The following SAMD3 variants were observed in gnomAD, a reference collection of about 807,000 sequenced individuals.
The protein encoded by SAMD3 is sterile alpha motif domain-containing protein 3.
A neutral mutation model predicts 58.5 loss-of-function variants in SAMD3; 63 were observed. That is an observed-to-expected ratio of 1.08 (90% CI 0.88 to 1.33). The LOEUF (loss-of-function observed/expected upper bound fraction) is 1.33, where lower values mean the gene tolerates loss of function less well. SAMD3 is among the 40% of genes most tolerant of loss of function. The pLI is 0.00. For synonymous variants in SAMD3, 220 were observed against 210.3 expected, an observed-to-expected ratio of 1.05 and a Z score of -0.40; for missense variants, 604 against 608.4, an observed-to-expected ratio of 0.99 and a Z score of 0.08.
At chr6:130,224,055 G>A (rs962843503), upstream of SAMD3, among the ~76,000 whole-genome samples, 1 of 152,130 alleles carries the variant, frequency 6.6e-6, no homozygotes, top group Non-Finnish European at 1.5e-5. Flanking sequence ...GGATCCACAA[G>A]GGGAATGGAA....
At chr6:130,340,962 G>C in intron 1 of SAMD3, among the ~76,000 whole-genome samples, 1 of 152,172 alleles carries the variant, frequency 6.6e-6, no homozygotes, top group Non-Finnish European at 1.5e-5. Context: ...TGTCATCCTT[G>C]AGTGAAATTT....
intron 1 of SAMD3, among the ~76,000 whole-genome samples, chr6:130,348,543 A>C (rs1267256042): frequency 1.7e-4 from 26 of 152,194 alleles, no homozygotes; most frequent in Admixed American, 1.6e-3. Context: ...CTAAATATAT[A>C]TGCACCCAAT....
rs1778100040 is a variant in SAMD3, at chr6:130,365,118, A to G, written c.-304+2T>C. 2 of 934,082 alleles carry G rather than the reference A, an allele frequency of 2.1e-6. No individual in the cohort carries two copies. The highest frequency in any genetic ancestry group is 1.8e-5 in the African/African-American group (1 of 56,214). The allele number at this position is 934,082 out of a possible 1,614,324, so 57.9% of individuals were successfully genotyped here. The stretch of plus-strand genomic sequence containing the variant: ...ATTAGTTTTACATGAAACTTTACTT[A>G]CGGAATTGGCCTGCATATATACAGT... On this transcript the variant is annotated splice_donor_variant, in intron 1 of 13. Coordinates refer to the SAMD3 transcript ENST00000368134. LOFTEE classifies it low-confidence loss of function (5UTR_SPLICE).
intron 1 of SAMD3, among the ~76,000 whole-genome samples, chr6:130,353,076 T>C (rs185113801): frequency 6.6e-6 from 1 of 152,356 alleles, no homozygotes; most frequent in East Asian, 1.9e-4. Flanking sequence ...TTTGAAATGC[T>C]ATACTCACTA....
chr6:130,315,018 A>C (rs118188043), intron 1 of SAMD3, among the ~76,000 whole-genome samples: 3,832 of 152,288 alleles, frequency 0.025, 68 homozygotes, highest in Non-Finnish European at 0.04. Flanking sequence ...TACATGGACA[A>C]ACTACAAGTT....
In SAMD3 at chr6:130,222,875, GT is replaced by G. The variant is rs1232885286; in HGVS notation, c.-250del. 1 of 152,142 alleles carries G rather than the reference GT, an allele frequency of 6.6e-6. No individual in the cohort carries two copies. Among genetic ancestry groups the G allele is most frequent in the Non-Finnish European group, 1.5e-5 (1 of 68,014 alleles). 9.4% of individuals were successfully genotyped at this position (152,142 alleles called of 1,614,324 possible). ...CTTGGTTTCTCTTGAAAAATCAAAA[GT>G]TCTGGTGATACTGGGTTCATATTTC... On this transcript the variant is annotated 5_prime_UTR_variant, in exon 1 of 12. The change creates a premature stop within an existing upstream ORF in the 5' untranslated region. Coordinates refer to ENST00000439090, the MANE Select transcript of SAMD3 (RefSeq NM_001017373.4).
chr6:130,362,221 C>T (rs1001196018), intron 1 of SAMD3, among the ~76,000 whole-genome samples: 3 of 152,210 alleles, frequency 2.0e-5, no homozygotes, highest in African/African-American at 7.2e-5. Context: ...AGACAGATCA[C>T]TTGAGTATGT....
intron 8 of SAMD3, chr6:130,159,994 AG>A (rs1554253594): frequency 2.0e-5 from 3 of 152,208 alleles, no homozygotes; most frequent in Non-Finnish European, 4.4e-5. Context: ...GGGTGGGGTG[AG>A]TGGAAAAGAA....
chr6:130,352,331 T>C (rs1777701022), intron 1 of SAMD3, among the ~76,000 whole-genome samples: 1 of 152,158 alleles, frequency 6.6e-6, no homozygotes, highest in African/African-American at 2.4e-5. Flanking sequence ...AGAAGCCCAT[T>C]AAAATTATTT....
chr6:130,358,280 T>C (rs1484709895), intron 1 of SAMD3, among the ~76,000 whole-genome samples: 1 of 152,248 alleles, frequency 6.6e-6, no homozygotes, highest in Non-Finnish European at 1.5e-5. Context: ...TTGATTACAC[T>C]TGCCAGAAGA....
intron 1 of SAMD3, among the ~76,000 whole-genome samples, chr6:130,220,425 G>A (rs1796173576): frequency 6.6e-6 from 1 of 152,208 alleles, no homozygotes; most frequent in Admixed American, 6.5e-5. Flanking sequence ...ACACCCTAGT[G>A]TTTTGGCCTT....
intron 2 of SAMD3, among the ~76,000 whole-genome samples, chr6:130,235,851 A>T (rs917098432): frequency 1.3e-5 from 2 of 152,166 alleles, no homozygotes; most frequent in Non-Finnish European, 2.9e-5. Flanking sequence ...TGTTCCAAGA[A>T]CTGTGCAAAT....
intron 2 of SAMD3, among the ~76,000 whole-genome samples, chr6:130,278,116 C>A (rs968391263): frequency 1.6e-4 from 24 of 152,156 alleles, no homozygotes; most frequent in Non-Finnish European, 1.6e-4. Flanking sequence ...AGTTTGCAGA[C>A]CCTGCACTTT....
At chr6:130,197,242 GC>G (rs1337972351) in intron 5 of SAMD3, among the ~76,000 whole-genome samples, 1 of 152,116 alleles carries the variant, frequency 6.6e-6, no homozygotes. Context: ...CTTAGACTGT[GC>G]CCCAAAAAAC....
intron 1 of SAMD3, among the ~76,000 whole-genome samples, chr6:130,317,376 T>C (rs1036266380): frequency 6.6e-6 from 1 of 152,204 alleles, no homozygotes; most frequent in Non-Finnish European, 1.5e-5. Context: ...ACGTGTTACT[T>C]ATTGTTCTAG....
chr6:130,216,035 G>C, intron 2 of SAMD3: 1 of 406,020 alleles, frequency 2.5e-6, no homozygotes, highest in Admixed American at 4.1e-5. Context: ...TACTTAATTG[G>C]GCAGATTCAA....
At chr6:130,349,899 A>G (rs1051059491) in intron 1 of SAMD3, among the ~76,000 whole-genome samples, 6 of 152,224 alleles carry the variant, frequency 3.9e-5, no homozygotes, top group Non-Finnish European at 7.3e-5. Flanking sequence ...CATCCCTGGG[A>G]TGCAAGGCTG....
At chr6:130,153,909 TC>T (rs1280016213) in intron 9 of SAMD3, among the ~76,000 whole-genome samples, 1 of 151,720 alleles carries the variant, frequency 6.6e-6, no homozygotes, top group Non-Finnish European at 1.5e-5. Context: ...ACTCCTGGGC[TC>T]AAGCAATCCA....
rs79475446 is a variant in SAMD3, at chr6:130,257,549, A to G, written c.-187-34736T>C. Among the ~76,000 whole-genome samples the G allele has an allele frequency of 3.9e-3, 601 of 152,234 alleles. 15 individuals carry two copies. The South Asian group carries it at 0.043, about 11-fold the overall frequency. ...GGGACCTTTAATTCCCTATCCCTCA[A>G]TTACTATTCTGAATACATCTCAATG... On this transcript the variant is annotated intron_variant, in intron 2 of 13. Transcript: ENST00000368134.
Sources: gnomAD v4.1 joint callset for allele counts (sites outside exome capture counted in the v4.1 genomes callset) on GRCh38, gnomAD v4.1.1 for gene constraint, MANE v1.5 for transcripts, NCBI Gene and HGNC (gene_info 2026-07-23, HGNC 2026-07-21) for gene names.